SLC16A12: variants seen among roughly 807,000 people sequenced by gnomAD.
The protein encoded by SLC16A12 is monocarboxylate transporter 12.
SLC16A12 carries 17 observed loss-of-function variants against 42.4 expected under a neutral mutation model. That is an observed-to-expected ratio of 0.40 (90% CI 0.27 to 0.60). SLC16A12 has a LOEUF of 0.60. Among genes scored for constraint, SLC16A12 ranks in the 20% least tolerant of loss-of-function variants. The probability of loss-of-function intolerance (pLI) is 0.42; values close to 1 mark genes in which losing one functional copy is unlikely to be tolerated. For missense variants in SLC16A12, 544 were observed against 623.0 expected, an observed-to-expected ratio of 0.87 and a Z score of 1.35; for synonymous variants, 224 against 229.4, an observed-to-expected ratio of 0.98 and a Z score of 0.21.
chr10:89,455,671 G>A (rs981592254), intron 3 of SLC16A12, among the ~76,000 whole-genome samples: 2 of 152,152 alleles, frequency 1.3e-5, no homozygotes, highest in Non-Finnish European at 2.9e-5. Context: ...GAGCATGTGT[G>A]CATCTCACTC....
chr10:89,450,501 G>A (rs560742937), intron 3 of SLC16A12, among the ~76,000 whole-genome samples: 5 of 152,290 alleles, frequency 3.3e-5, no homozygotes, highest in South Asian at 2.1e-4. Context: ...GCAAACTATC[G>A]CAAGGACAGA....
intron 2 of SLC16A12, among the ~76,000 whole-genome samples, chr10:89,550,859 G>A (rs1843766640): frequency 6.6e-6 from 1 of 152,160 alleles, no homozygotes; most frequent in African/African-American, 2.4e-5. Flanking sequence ...ATTGCATTTT[G>A]TTGTTGTTGT....
chr10:89,478,346 A>G (rs1333883586), intron 2 of SLC16A12, among the ~76,000 whole-genome samples: 1 of 152,222 alleles, frequency 6.6e-6, no homozygotes. Context: ...CAACTGATGC[A>G]GTCCATAAAT....
intron 5 of SLC16A12, 140 bp downstream of exon 5, chr10:89,440,968 T>A: frequency 3.0e-6 from 3 of 1,006,938 alleles, no homozygotes; most frequent in Non-Finnish European, 4.6e-6. Flanking sequence ...TCTGTTTAAC[T>A]GCTAGGTAGG....
intron 2 of SLC16A12, among the ~76,000 whole-genome samples, chr10:89,504,811 C>G (rs1843035432): frequency 6.6e-6 from 1 of 152,166 alleles, no homozygotes; most frequent in African/African-American, 2.4e-5. Context: ...TACAATGTTT[C>G]TAGAGTCTAA....
intron 2 of SLC16A12, among the ~76,000 whole-genome samples, chr10:89,524,348 T>C (rs1843413246): frequency 6.6e-6 from 1 of 152,228 alleles, no homozygotes; most frequent in Non-Finnish European, 1.5e-5. Context: ...GGTGGTGCGA[T>C]GTACCAGACC....
intron 2 of SLC16A12, among the ~76,000 whole-genome samples, chr10:89,519,409 A>G (rs183223860): frequency 4.3e-4 from 66 of 152,286 alleles, no homozygotes; most frequent in African/African-American, 1.6e-3. Flanking sequence ...ATCAGCAAAA[A>G]CTGGTATCTC....
intron 2 of SLC16A12, among the ~76,000 whole-genome samples, chr10:89,469,889 C>T (rs1278330227): frequency 1.3e-5 from 2 of 152,200 alleles, no homozygotes; most frequent in Non-Finnish European, 2.9e-5. Flanking sequence ...ATTAACTTTA[C>T]TCTTTGTTTA....
chr10:89,551,428 G>C (rs1471951260), intron 2 of SLC16A12, among the ~76,000 whole-genome samples: 1 of 152,170 alleles, frequency 6.6e-6, no homozygotes, highest in African/African-American at 2.4e-5. Context: ...GGGCAATAGA[G>C]TGAGACCCTG....
chr10:89,443,943 G>A (rs1841957287), intron 3 of SLC16A12, 84 bp from the exon 4 acceptor site: 1 of 856,360 alleles, frequency 1.2e-6, no homozygotes, highest in Non-Finnish European at 2.0e-6. Flanking sequence ...GGTTCAATTA[G>A]CTGCTCCTGT....
At chr10:89,551,749 A>G (rs957336872) in intron 2 of SLC16A12, among the ~76,000 whole-genome samples, 1 of 152,168 alleles carries the variant, frequency 6.6e-6, no homozygotes, top group Non-Finnish European at 1.5e-5. Flanking sequence ...TCTGGCCACC[A>G]CCATGTAAGA....
chr10:89,498,117 C>T (rs2133817397), intron 2 of SLC16A12, among the ~76,000 whole-genome samples: 1 of 152,212 alleles, frequency 6.6e-6, no homozygotes, highest in South Asian at 2.1e-4. Flanking sequence ...GCCTGGGCAA[C>T]ATGGCGAAAC....
At chr10:89,516,232 G>A (rs1843248248) in intron 2 of SLC16A12, among the ~76,000 whole-genome samples, 1 of 152,120 alleles carries the variant, frequency 6.6e-6, no homozygotes, top group South Asian at 2.1e-4. Flanking sequence ...ATCACCAAGA[G>A]CGGAACTTAA....
At chr10:89,552,099 C>A (rs1187043724) in intron 2 of SLC16A12, among the ~76,000 whole-genome samples, 1 of 152,054 alleles carries the variant, frequency 6.6e-6, no homozygotes, top group Non-Finnish European at 1.5e-5. Flanking sequence ...CTACACCTGG[C>A]TAATTTTTGT....
Position 89,485,780 on chromosome 10 carries a change from G to A in SLC16A12, c.-46-23156C>T, listed in dbSNP as rs141441111. Among the ~76,000 whole-genome samples, 421 of 152,302 alleles carry A rather than the reference G, an allele frequency of 2.8e-3. 4 individuals are homozygous for A. Among genetic ancestry groups the A allele is most frequent in the African/African-American group, 9.4e-3 (391 of 41,568 alleles). On this transcript the variant is annotated intron_variant, in intron 2 of 7. Coordinates refer to ENST00000371790, the MANE Select transcript of SLC16A12 (RefSeq NM_213606.4). ...GTTTGTGTGCAGAAAGGAGAGCAGC[G>A]TGTGTAGATCAGTAGGTGCACACTG...
intron 2 of SLC16A12, among the ~76,000 whole-genome samples, chr10:89,473,379 G>A (rs1467427352): frequency 5.3e-5 from 8 of 152,094 alleles, no homozygotes; most frequent in Non-Finnish European, 1.0e-4. Context: ...AATGAATCTT[G>A]ACTCTTATTG....
intron 3 of SLC16A12, among the ~76,000 whole-genome samples, chr10:89,453,798 T>G (rs568267845): frequency 4.0e-4 from 61 of 152,246 alleles, no homozygotes; most frequent in African/African-American, 1.3e-3. Flanking sequence ...TATTGACATT[T>G]TGGGCCAGGT....
At chr10:89,462,674 G>A (rs1481926712) in intron 2 of SLC16A12, 50 bp from the exon 3 acceptor site, 2 of 1,477,088 alleles carry the variant, frequency 1.4e-6, no homozygotes, top group African/African-American at 2.9e-5. Context: ...ATGTCCAAAG[G>A]TTGATTTTTC....
Position 89,446,361 on chromosome 10 carries a change from G to C in SLC16A12, c.201-2502C>G, listed in dbSNP as rs563253525. Among the ~76,000 whole-genome samples, 3 of 152,314 alleles carry C rather than the reference G, an allele frequency of 2.0e-5. No homozygotes were observed. In the East Asian group the frequency reaches 5.8e-4, roughly 29 times the overall value. ...AATGTTAAGGGCAGTCAGAGAGAAA[G>C]GTCGGGTTACCCACAAAGGGAAGCC... On this transcript the variant is annotated intron_variant, in intron 3 of 7. Transcript: ENST00000371790.
Sources: gnomAD v4.1 joint callset for allele counts (sites outside exome capture counted in the v4.1 genomes callset) on GRCh38, gnomAD v4.1.1 for gene constraint, MANE v1.5 for transcripts, NCBI Gene and HGNC (gene_info 2026-07-23, HGNC 2026-07-21) for gene names.